UCK1: variants seen among roughly 807,000 people sequenced by gnomAD.
UCK1 encodes cytidine monophosphokinase 1.
In UCK1, 20 loss-of-function variants were observed where a neutral mutation model predicts 34.0. That is an observed-to-expected ratio of 0.59 (90% CI 0.41 to 0.86). The LOEUF (loss-of-function observed/expected upper bound fraction) is 0.86. Ranked by LOEUF, UCK1 falls within the 40% of genes least tolerant of loss-of-function variation. The pLI, the probability that UCK1 is intolerant of heterozygous loss-of-function variation, is 0.00. For missense variants in UCK1, 343 were observed against 383.6 expected (o/e 0.89, Z 0.88); for synonymous variants, 168 against 155.9 (o/e 1.08, Z -0.58).
rs1008876697 is a variant in UCK1 at position 131,529,393 on chromosome 9, C to A, written c.365+95G>T. 7 of 1,599,594 alleles carry A rather than the reference C, an allele frequency of 4.4e-6. No homozygotes were observed. In the Admixed American group the frequency reaches 1.2e-4, roughly 27 times the overall value. On this transcript the variant is annotated intron_variant, in intron 3 of 6. Transcript: ENST00000372215. The stretch of plus-strand genomic sequence containing the variant: ...GGGGTGGGGGACCCACAGAAACCAA[C>A]CGGGGGAGGCCTGCCGCCAGGCAGG...
chr9:131,529,153 G>A lies in UCK1; in HGVS notation c.483C>T (p.Asp161=), dbSNP rs1372413281. ...CTCTTCGAGACAGCCTGACGTCGGA[G>A]TCGGTGTCCACGAAGAGGCGCAGGT... ...MFHLRLFVDT[D]SDVRLSRRVL... Residue 161 remains aspartate (D), a synonymous_variant, in exon 4 of 7, where the codon GAC becomes GAT. Transcript: ENST00000372215. 3 of 1,613,818 alleles carry A rather than the reference G, an allele frequency of 1.9e-6. No homozygotes were observed. Among genetic ancestry groups the A allele is most frequent in the Non-Finnish European group, 2.5e-6 (3 of 1,179,928 alleles).
rs115964951 is a variant in UCK1, at chr9:131,525,993, G to A, written c.604-16C>T. The stretch of plus-strand genomic sequence containing the variant: ...ACTTCTTTGTCTGTAAGGCACAAGG[G>A]GGGGTGTTCCTGTGAGGACTTTTCC... On this transcript the variant is annotated splice_polypyrimidine_tract_variant and intron_variant, in intron 5 of 6. Coordinates refer to ENST00000372215, the MANE Select transcript of UCK1 (RefSeq NM_031432.5). 3.0e-5 allele frequency: 49 copies of A among 1,613,826 alleles called. No homozygotes were observed. Among genetic ancestry groups the A allele is most frequent in the Non-Finnish European group, 3.8e-5 (45 of 1,179,954 alleles).
intron 4 of UCK1, 32 bp from the exon 5 acceptor site, chr9:131,529,070 C>A: frequency 1.2e-6 from 2 of 1,613,550 alleles, no homozygotes; most frequent in Non-Finnish European, 1.7e-6. Context: ...GTGCTTCAGA[C>A]CTCAGGACCT....
chr9:131,529,221 C>T lies in UCK1; in HGVS notation c.415G>A (p.Gly139Ser). The T allele has an allele frequency of 6.2e-7, 1 of 1,614,168 alleles. No individual in the cohort carries two copies. The highest frequency in any genetic ancestry group is 8.5e-7 in the Non-Finnish European group (1 of 1,180,026). The change falls in exon 4 of 7, where the codon GGC becomes AGC. Residue 139 changes from glycine to serine, a missense_variant. Transcript: ENST00000372215. Reference protein sequence around the residue: ...VYPADVVLFEGILVFYSQEIR... With the variant: ...VYPADVVLFESILVFYSQEIR... ...TCCTGGCTGTAGAACACCAAGATGC[C>T]CTCAAACAGAACCACGTCCGCAGGG...
At chr9:131,529,451 C>A (rs1160102773) in intron 3 of UCK1, 37 bp downstream of exon 3, 4 of 1,612,464 alleles carry the variant, frequency 2.5e-6, no homozygotes, top group Non-Finnish European at 2.5e-6. Flanking sequence ...TCCTAGCTGG[C>A]CCCTCTCCTC....
chr9:131,524,454 T>C lies in UCK1; in HGVS notation c.*586A>G, dbSNP rs1415547624. On this transcript the variant is annotated 3_prime_UTR_variant, in exon 7 of 7. Transcript: ENST00000372215. ...GAAAACATCCCTCAGTGGCTCCCCA[T>C]ATCCGTGTAGGCCACGCTGGACTGC... 2.0e-5 allele frequency: 3 copies of C among 152,298 alleles called. No homozygotes were observed. The highest frequency in any genetic ancestry group is 7.2e-5 in the African/African-American group (3 of 41,464). The allele number at this position is 152,298 out of a possible 1,614,324, so 9.4% of individuals were successfully genotyped here. A position where few individuals can be genotyped will look rare whatever the true frequency, so the allele number is the denominator to read the frequency against.
rs1214644333 is a variant in UCK1, at chr9:131,525,912, G to C, written c.652+17C>G. 26 of 1,613,306 alleles carry C rather than the reference G, an allele frequency of 1.6e-5. No individual in the cohort carries two copies. The highest frequency in any genetic ancestry group is 2.0e-5 in the Non-Finnish European group (24 of 1,179,670). ...CTGGGAGGGGCGGGGGGACAGCCCAGCAGGCCAGCTTCTTACCCATATTGT... is the reference window on the plus strand; with the variant it reads ...CTGGGAGGGGCGGGGGGACAGCCCACCAGGCCAGCTTCTTACCCATATTGT... On this transcript the variant is annotated intron_variant, in intron 6 of 6. Coordinates refer to ENST00000372215, the MANE Select transcript of UCK1 (RefSeq NM_031432.5).
intron 5 of UCK1, 111 bp downstream of exon 5, chr9:131,528,833 C>T: frequency 7.3e-7 from 1 of 1,366,484 alleles, no homozygotes; most frequent in Non-Finnish European, 1.0e-6. Context: ...AATTCTTCTC[C>T]TTTTTTTCAA....
chr9:131,526,405 T>C, intron 5 of UCK1: 1 of 1,293,732 alleles, frequency 7.7e-7, no homozygotes, highest in East Asian at 5.4e-5. Flanking sequence ...GCCGCCGCCG[T>C]GCATAATTAC....
rs139319967 is a variant in UCK1 at position 131,528,540 on chromosome 9, A to C, written c.603+404T>G. On this transcript the variant is annotated intron_variant, in intron 5 of 6. Transcript: ENST00000372215. ...TCCCGGCCTTGGCAGTGAACAGACTAAAGTGCTCCTGGGCTTCCCCACTCT... is the reference window on the plus strand; with the variant it reads ...TCCCGGCCTTGGCAGTGAACAGACTCAAGTGCTCCTGGGCTTCCCCACTCT... 2.0e-4 allele frequency among the ~76,000 whole-genome samples: 30 copies of C among 152,294 alleles called. No homozygotes were observed. The East Asian group carries it at 5.8e-3, about 29-fold the overall frequency.
intron 5 of UCK1, among the ~76,000 whole-genome samples, chr9:131,526,937 T>C (rs540232284): frequency 1.3e-5 from 2 of 151,900 alleles, no homozygotes; most frequent in African/African-American, 4.8e-5. Flanking sequence ...CTGAATACAG[T>C]TGGGAAATAC....
chr9:131,526,695 T>C (rs1449610481), intron 5 of UCK1, among the ~76,000 whole-genome samples: 1 of 152,018 alleles, frequency 6.6e-6, no homozygotes, highest in Non-Finnish European at 1.5e-5. Context: ...CTTGGAACGG[T>C]GCGTGCTGCT....
intron 5 of UCK1, chr9:131,526,478 ACT>A: frequency 3.9e-6 from 5 of 1,289,684 alleles, no homozygotes; most frequent in Non-Finnish European, 4.0e-6. Flanking sequence ...CTCAATGCTG[ACT>A]CTCATTCCCT....
chr9:131,527,415 G>C (rs1950650215), intron 5 of UCK1, among the ~76,000 whole-genome samples: 3 of 152,200 alleles, frequency 2.0e-5, no homozygotes, highest in Admixed American at 1.3e-4. Context: ...CCTCTACTCA[G>C]GTCGCTGAGG....
At chr9:131,530,220 TGGCAG>T (rs1209563545) in intron 2 of UCK1, among the ~76,000 whole-genome samples, 1 of 152,214 alleles carries the variant, frequency 6.6e-6, no homozygotes, top group Non-Finnish European at 1.5e-5. Context: ...ATCACAGTTG[TGGCAG>T]GGCAGGGCAG....
chr9:131,525,479 C>CAT (rs914291655), intron 6 of UCK1, among the ~76,000 whole-genome samples: 4 of 152,244 alleles, frequency 2.6e-5, no homozygotes, highest in Non-Finnish European at 4.4e-5. Flanking sequence ...TTTGAATATA[C>CAT]ATATATATAT....
rs1416668011 is a variant in UCK1, at chr9:131,529,554, G to C, written c.299C>G (p.Thr100Ser). The C allele has an allele frequency of 6.2e-7, 1 of 1,614,174 alleles. No homozygotes were observed. The highest frequency in any genetic ancestry group is 8.5e-7 in the Non-Finnish European group (1 of 1,180,026). The change falls in exon 3 of 7, where the codon ACT becomes AGT. Residue 100 changes from threonine to serine, a missense_variant. Coordinates refer to ENST00000372215, the MANE Select transcript of UCK1 (RefSeq NM_031432.5). Reference protein sequence around the residue: ...DAFDNDLMHRTLKNIVEGKTV... With the variant: ...DAFDNDLMHRSLKNIVEGKTV... The stretch of plus-strand genomic sequence containing the variant: ...TTTGCCCTCCACGATGTTCTTCAGA[G>C]TCCTGTGCATCAAATCATTATCAAA...
Position 131,524,840 on chromosome 9 carries a change from T to A in UCK1, c.*200A>T. The A allele has an allele frequency of 1.6e-6, 1 of 615,982 alleles. No homozygotes were observed. The highest frequency in any genetic ancestry group is 2.7e-6 in the Non-Finnish European group (1 of 368,310). The allele number at this position is 615,982 out of a possible 1,614,324, so 38.2% of individuals were successfully genotyped here. On this transcript the variant is annotated 3_prime_UTR_variant, in exon 7 of 7. Coordinates refer to ENST00000372215, the MANE Select transcript of UCK1 (RefSeq NM_031432.5). Reference sequence around the variant, plus strand: ...CAACGAGCCTAAGTGGCTGAAAACCTCAGGAACGCCTGTCAGTGTCCCAGC... The same window carrying A: ...CAACGAGCCTAAGTGGCTGAAAACCACAGGAACGCCTGTCAGTGTCCCAGC...
At chr9:131,525,877 G>T in intron 6 of UCK1, 52 bp downstream of exon 6, 1 of 1,594,318 alleles carries the variant, frequency 6.3e-7, no homozygotes, top group Non-Finnish European at 8.6e-7. Flanking sequence ...AACTGTCCCT[G>T]CCTCAAGCTC....
Sources: gnomAD v4.1 joint callset for allele counts (sites outside exome capture counted in the v4.1 genomes callset) on GRCh38, gnomAD v4.1.1 for gene constraint, MANE v1.5 for transcripts, NCBI Gene and HGNC (gene_info 2026-07-23, HGNC 2026-07-21) for gene names.